The following ZBTB8A variants were observed in gnomAD, a reference collection of about 807,000 sequenced individuals.
The protein encoded by ZBTB8A is zinc finger and BTB domain-containing protein 8A.
In ZBTB8A, 19 loss-of-function variants were observed where a neutral mutation model predicts 37.8. That is an observed-to-expected ratio of 0.50 (90% CI 0.35 to 0.74). ZBTB8A has a LOEUF of 0.74. ZBTB8A is among the 30% of genes least tolerant of loss of function. The pLI is 0.01. For missense variants in ZBTB8A, 394 were observed against 537.8 expected (o/e 0.73, Z 2.65); for synonymous variants, 181 against 185.2 (o/e 0.98, Z 0.19).
chr1:32,588,193 C>A (rs1339039143), intron 2 of ZBTB8A, among the ~76,000 whole-genome samples: 1 of 152,096 alleles, frequency 6.6e-6, no homozygotes, highest in East Asian at 1.9e-4. Flanking sequence ...GTTATGGAAA[C>A]CCCAGTTTAT....
At chr1:32,541,422 G>T (rs931931356) in intron 1 of ZBTB8A, among the ~76,000 whole-genome samples, 4 of 152,106 alleles carry the variant, frequency 2.6e-5, no homozygotes, top group Non-Finnish European at 5.9e-5. Context: ...ACACCCACAT[G>T]ACTCTCTTAC....
At chr1:32,551,893 G>A (rs912655428) in intron 1 of ZBTB8A, among the ~76,000 whole-genome samples, 3 of 151,816 alleles carry the variant, frequency 2.0e-5, no homozygotes, top group Admixed American at 2.0e-4. Context: ...ATACTTACCT[G>A]TACTTTCTTT....
intron 1 of ZBTB8A, among the ~76,000 whole-genome samples, chr1:32,548,398 A>G (rs369026647): frequency 2.0e-5 from 3 of 151,824 alleles, no homozygotes; most frequent in East Asian, 2.0e-4. Context: ...GGAGTGGTGC[A>G]ATCTCGGCTC....
At chr1:32,543,124 C>T (rs186160487) in intron 1 of ZBTB8A, among the ~76,000 whole-genome samples, 24 of 152,092 alleles carry the variant, frequency 1.6e-4, no homozygotes, top group Non-Finnish European at 3.1e-4. Flanking sequence ...ACTCTTGTTG[C>T]CCAGGCTGGA....
chr1:32,544,572 C>T (rs1047821216), intron 1 of ZBTB8A, among the ~76,000 whole-genome samples: 2 of 152,196 alleles, frequency 1.3e-5, no homozygotes, highest in African/African-American at 4.8e-5. Flanking sequence ...CGGTGGGTGC[C>T]TGTAATCCCG....
At position 32,600,387 on chromosome 1, in the gene ZBTB8A, G is replaced by A; in HGVS notation, c.1294G>A (p.Glu432Lys). The A allele has an allele frequency of 6.2e-7, 1 of 1,612,480 alleles. No individual in the cohort carries two copies. The highest frequency in any genetic ancestry group is 8.5e-7 in the Non-Finnish European group (1 of 1,179,326). Residue 432 changes from glutamate to lysine, a missense_variant, in exon 5 of 5, where the codon GAA becomes AAA. Coordinates refer to ENST00000373510, the MANE Select transcript of ZBTB8A (RefSeq NM_001040441.3). ...ACAGGTTGATGATAGTGAAGAAGAA[G>A]AAGAAAAAGAAATTAAGCCCAACAT... Reference protein sequence around the residue: ...IQQVDDSEEEEEKEIKPNIR With the variant: ...IQQVDDSEEEKEKEIKPNIR
intron 2 of ZBTB8A, among the ~76,000 whole-genome samples, chr1:32,587,441 G>A (rs968241003): frequency 5.9e-5 from 9 of 151,788 alleles, no homozygotes; most frequent in African/African-American, 2.2e-4. Flanking sequence ...AGGAAAGGTA[G>A]ATTTAGGATG....
intron 2 of ZBTB8A, among the ~76,000 whole-genome samples, chr1:32,557,163 G>A (rs1423516999): frequency 6.6e-6 from 1 of 151,782 alleles, no homozygotes; most frequent in Admixed American, 6.6e-5. Flanking sequence ...TTAACCGGGC[G>A]TGATGGTGTG....
chr1:32,597,425 C>T (rs1443550928), intron 4 of ZBTB8A, among the ~76,000 whole-genome samples: 1 of 152,148 alleles, frequency 6.6e-6, no homozygotes, highest in African/African-American at 2.4e-5. Context: ...CAGTCTCTAC[C>T]TTGATGCTGG....
intron 3 of ZBTB8A, 143 bp downstream of exon 3, chr1:32,593,897 A>T: frequency 1.4e-6 from 1 of 701,778 alleles, no homozygotes; most frequent in East Asian, 2.7e-5. Context: ...TTGTAATGAA[A>T]TTTATTTAGT....
chr1:32,599,714 C>G (rs1319789200), intron 4 of ZBTB8A, among the ~76,000 whole-genome samples: 5 of 150,268 alleles, frequency 3.3e-5, no homozygotes, highest in Admixed American at 2.1e-4. Context: ...GAGACTCTGT[C>G]TCAAAAATAA....
chr1:32,550,491 C>T (rs1335778621), intron 1 of ZBTB8A, among the ~76,000 whole-genome samples: 3 of 152,182 alleles, frequency 2.0e-5, no homozygotes, highest in South Asian at 4.2e-4. Context: ...TGGTGGTACA[C>T]GTCTGTGGTC....
intron 1 of ZBTB8A, among the ~76,000 whole-genome samples, chr1:32,539,788 G>T (rs1261478977): frequency 2.3e-3 from 3 of 1,316 alleles, no homozygotes; most frequent in Admixed American, 0.014. Flanking sequence ...CGCCGCCCGC[G>T]CCCGCCTCGC....
intron 3 of ZBTB8A, among the ~76,000 whole-genome samples, chr1:32,594,839 T>C (rs952860145): frequency 2.0e-4 from 30 of 152,142 alleles, no homozygotes; most frequent in African/African-American, 7.0e-4. Context: ...AAGTTAAAGT[T>C]CCATACTTAG....
At chr1:32,596,369 C>CAAA (rs760050080) in intron 4 of ZBTB8A, among the ~76,000 whole-genome samples, 12 of 103,782 alleles carry the variant, frequency 1.2e-4, no homozygotes, top group African/African-American at 2.5e-4. Flanking sequence ...GACTCCATCT[C>CAAA]AAAAAAAAAA....
chr1:32,548,908 C>A (rs527368865), intron 1 of ZBTB8A, among the ~76,000 whole-genome samples: 1 of 151,950 alleles, frequency 6.6e-6, no homozygotes, highest in South Asian at 2.1e-4. Flanking sequence ...AATACCTGGC[C>A]GGGGCCAGGC....
At chr1:32,555,138 C>T (rs985896147) in intron 2 of ZBTB8A, among the ~76,000 whole-genome samples, 1 of 152,078 alleles carries the variant, frequency 6.6e-6, no homozygotes, top group African/African-American at 2.4e-5. Context: ...GCCTGTAATC[C>T]CAGCACTTTG....
At chr1:32,589,089 G>A (rs888634969) in intron 2 of ZBTB8A, among the ~76,000 whole-genome samples, 7 of 152,032 alleles carry the variant, frequency 4.6e-5, no homozygotes, top group South Asian at 4.1e-4. Flanking sequence ...ATAAAACAAA[G>A]CAAAACTGTT....
intron 2 of ZBTB8A, among the ~76,000 whole-genome samples, chr1:32,574,165 G>C (rs1644343753): frequency 6.6e-6 from 1 of 152,088 alleles, no homozygotes; most frequent in South Asian, 2.1e-4. Flanking sequence ...ATTTTGATTT[G>C]TGTAGAGTAT....
Sources: gnomAD v4.1 joint callset for allele counts (sites outside exome capture counted in the v4.1 genomes callset) on GRCh38, gnomAD v4.1.1 for gene constraint, MANE v1.5 for transcripts, NCBI Gene and HGNC (gene_info 2026-07-23, HGNC 2026-07-21) for gene names.